Variants in CENPP observed in about 807,000 individuals in gnomAD.
The protein encoded by CENPP is centromere protein P.
CENPP carries 24 observed loss-of-function variants against 35.6 expected under a neutral mutation model. That is an observed-to-expected ratio of 0.67 (90% confidence interval 0.49 to 0.95). CENPP has a LOEUF of 0.95. Among genes scored for constraint, CENPP ranks in the 40% least tolerant of loss-of-function variants. CENPP has a pLI of 0.00. For synonymous variants in CENPP, 120 were observed against 125.5 expected (o/e 0.96, Z 0.29); for missense variants, 332 against 345.3 (o/e 0.96, Z 0.31).
At chr9:92,495,779 A>G in intron 5 of CENPP, 1 of 949,740 alleles carries the variant, frequency 1.1e-6, no homozygotes, top group Non-Finnish European at 1.3e-6. Context: ...TAATTAATGG[A>G]AGAAATGAAA....
At chr9:92,449,237 C>T (rs554633895) in intron 5 of CENPP, among the ~76,000 whole-genome samples, 1 of 151,778 alleles carries the variant, frequency 6.6e-6, no homozygotes, top group African/African-American at 2.4e-5. Flanking sequence ...GTCAGGAGAT[C>T]GAGACCATCG....
At chr9:92,554,904 G>GAGATTAC (rs1169286183) in intron 5 of CENPP, among the ~76,000 whole-genome samples, 1 of 152,138 alleles carries the variant, frequency 6.6e-6, no homozygotes, top group Non-Finnish European at 1.5e-5. Flanking sequence ...CCAAAGTGCT[G>GAGATTAC]AGATTACAGG....
intron 5 of CENPP, among the ~76,000 whole-genome samples, chr9:92,477,679 TA>T (rs1316382239): frequency 6.6e-6 from 1 of 152,138 alleles, no homozygotes; most frequent in Non-Finnish European, 1.5e-5. Context: ...CTGAATTTCT[TA>T]AAGTAGAGCA....
chr9:92,400,798 A>G (rs1843080928), intron 5 of CENPP, among the ~76,000 whole-genome samples: 1 of 152,202 alleles, frequency 6.6e-6, no homozygotes, highest in Admixed American at 6.5e-5. Flanking sequence ...TATTTTGCAA[A>G]TAATCCGTGT....
At chr9:92,368,809 T>C (rs940250960) in intron 4 of CENPP, among the ~76,000 whole-genome samples, 1 of 152,108 alleles carries the variant, frequency 6.6e-6, no homozygotes, top group East Asian at 1.9e-4. Context: ...GAGACTGAGA[T>C]GGGAGGATCG....
rs564853260 is a variant in CENPP at position 92,533,438 on chromosome 9, G to C, written c.565-77876G>C. The stretch of plus-strand genomic sequence containing the variant: ...TTTGTTTGTTTGTTTGTTTCTCTCT[G>C]TCCTCCTGAGGCTGTTTTAAAACTC... On this transcript the variant is annotated intron_variant, in intron 5 of 7. Transcript: ENST00000375587. 1.0e-3 allele frequency among the ~76,000 whole-genome samples: 144 copies of C among 139,958 alleles called. 1 individual carries two copies. The highest frequency in any genetic ancestry group is 3.5e-3 in the African/African-American group (131 of 36,978). The allele number at this position is 139,958 out of a possible 152,430, so 91.8% of individuals were successfully genotyped here.
chr9:92,544,712 A>ATTTTTTTT (rs150281438), intron 5 of CENPP, among the ~76,000 whole-genome samples: 2 of 132,422 alleles, frequency 1.5e-5, no homozygotes, highest in Non-Finnish European at 1.6e-5. Flanking sequence ...ATCACTATAA[A>ATTTTTTTT]TTTTTTTTTT....
chr9:92,574,145 C>G (rs1178022030), intron 5 of CENPP, among the ~76,000 whole-genome samples: 1 of 152,170 alleles, frequency 6.6e-6, no homozygotes, highest in Admixed American at 6.5e-5. Context: ...ATGCAGAAAT[C>G]ACCCGTCTTC....
In CENPP at chr9:92,536,869, A is replaced by ATT. The variant is rs11459753; in HGVS notation, c.565-74430_565-74429dup. On this transcript the variant is annotated intron_variant, in intron 5 of 7. Coordinates refer to ENST00000375587, the MANE Select transcript of CENPP (RefSeq NM_001012267.3). ...AGGTAATTTTAGAACTATTTTTTAA[A>ATT]TTTTTTTTTTTTTTTTGAGACGGGA... Among the ~76,000 whole-genome samples the ATT allele has an allele frequency of 2.7e-3, 379 of 141,550 alleles. 1 individual carries two copies. The highest frequency in any genetic ancestry group is 0.011 in the Middle Eastern group (3 of 272). The allele number at this position is 141,550 out of a possible 152,430, so 92.9% of individuals were successfully genotyped here. A position where few individuals can be genotyped will look rare whatever the true frequency, so the allele number is the denominator to read the frequency against.
intron 5 of CENPP, among the ~76,000 whole-genome samples, chr9:92,516,068 T>C (rs560736559): frequency 1.7e-4 from 24 of 142,024 alleles, no homozygotes; most frequent in Admixed American, 1.0e-3. Flanking sequence ...TGCATACTTT[T>C]TTTTCCCCCC....
At chr9:92,560,309 C>G (rs1462847078) in intron 5 of CENPP, among the ~76,000 whole-genome samples, 1 of 152,156 alleles carries the variant, frequency 6.6e-6, no homozygotes, top group Admixed American at 6.5e-5. Context: ...AGCAAAAGAT[C>G]ATATATCAGC....
chr9:92,417,589 A>T, intron 5 of CENPP: 1 of 1,365,270 alleles, frequency 7.3e-7, no homozygotes, highest in Non-Finnish European at 1.0e-6. Flanking sequence ...TGCAAGGAGA[A>T]AAGGAAACAT....
intron 5 of CENPP, among the ~76,000 whole-genome samples, chr9:92,418,142 A>C (rs1319054328): frequency 6.6e-6 from 1 of 151,534 alleles, no homozygotes; most frequent in Non-Finnish European, 1.5e-5. Context: ...GGTGGAGTGT[A>C]GTGGTGCAGG....
intron 2 of CENPP, 101 bp from the exon 3 acceptor site, chr9:92,337,440 A>G (rs1376190584): frequency 4.2e-6 from 3 of 709,626 alleles, no homozygotes; most frequent in Admixed American, 2.2e-5. Context: ...ACTTTCACAC[A>G]TATACCCACA....
At chr9:92,354,246 C>T (rs967892719) in intron 4 of CENPP, among the ~76,000 whole-genome samples, 1 of 152,146 alleles carries the variant, frequency 6.6e-6, no homozygotes, top group Admixed American at 6.5e-5. Context: ...CTGCCCTTTC[C>T]ATTATGGAAT....
intron 5 of CENPP, among the ~76,000 whole-genome samples, chr9:92,492,455 A>G (rs1846198603): frequency 6.6e-6 from 1 of 152,194 alleles, no homozygotes; most frequent in Non-Finnish European, 1.5e-5. Flanking sequence ...ACTGTACAAC[A>G]TTGTGGGTAG....
intron 5 of CENPP, chr9:92,514,993 G>C (rs1477385092): frequency 6.2e-7 from 1 of 1,614,066 alleles, no homozygotes; most frequent in South Asian, 1.1e-5. Flanking sequence ...TCTAGATTCA[G>C]GGGTCTCTCT....
chr9:92,464,264 C>T (rs1158720444), intron 5 of CENPP, among the ~76,000 whole-genome samples: 1 of 152,182 alleles, frequency 6.6e-6, no homozygotes, highest in East Asian at 1.9e-4. Context: ...GGTCATCTGG[C>T]AGACTTAAGG....
chr9:92,511,965 T>C (rs775809629), intron 5 of CENPP: 9 of 1,416,306 alleles, frequency 6.4e-6, no homozygotes, highest in Non-Finnish European at 8.8e-6. Flanking sequence ...ATGCAAGTCA[T>C]AGTGAAGCCA....
Sources: gnomAD v4.1 joint callset for allele counts (sites outside exome capture counted in the v4.1 genomes callset) on GRCh38, gnomAD v4.1.1 for gene constraint, MANE v1.5 for transcripts, NCBI Gene and HGNC (gene_info 2026-07-23, HGNC 2026-07-21) for gene names.